The following TMC1 variants were observed in gnomAD, a reference collection of about 807,000 sequenced individuals.
TMC1 encodes transmembrane channel like 1, also known as transmembrane channel-like protein 1.
A neutral mutation model predicts 105.8 loss-of-function variants in TMC1; 84 were observed. The ratio of observed to expected loss-of-function variants is 0.79; its 90% CI spans 0.67 to 0.95. The LOEUF (loss-of-function observed/expected upper bound fraction) is 0.95. TMC1 is among the 40% of genes least tolerant of loss of function. The pLI is 0.00. For missense variants in TMC1, 817 were observed against 914.1 expected, an observed-to-expected ratio of 0.89 and a Z score of 1.37; for synonymous variants, 315 against 311.5, an observed-to-expected ratio of 1.01 and a Z score of -0.12.
chr9:72,577,373 G>A (rs1424185857), intron 1 of TMC1, among the ~76,000 whole-genome samples: 2 of 152,314 alleles, frequency 1.3e-5, no homozygotes, highest in South Asian at 2.1e-4. Flanking sequence ...CACAGGGACG[G>A]GTGGAGCAAA....
intron 21 of TMC1, among the ~76,000 whole-genome samples, chr9:72,827,546 A>C (rs1828976047): frequency 6.6e-6 from 1 of 152,228 alleles, no homozygotes; most frequent in East Asian, 1.9e-4. Flanking sequence ...GATCTTGGGA[A>C]GTTCCTGTAG....
chr9:72,685,362 A>AT lies in TMC1; in HGVS notation c.17-3328dup, dbSNP rs35423971. ...ACCTCATGATCCACCCGCCTTGGCC[A>AT]TTTTTTTTTTTTTTTTTTTAAGAGG... On this transcript the variant is annotated intron_variant, in intron 5 of 23. Coordinates refer to ENST00000297784, the MANE Select transcript of TMC1 (RefSeq NM_138691.3). 6.7e-3 allele frequency among the ~76,000 whole-genome samples: 845 copies of AT among 125,594 alleles called. 6 individuals carry two copies. The highest frequency in any genetic ancestry group is 0.017 in the East Asian group (75 of 4,330). The allele number at this position is 125,594 out of a possible 152,430, so 82.4% of individuals were successfully genotyped here.
At chr9:72,625,493 C>T (rs1564452963) in intron 3 of TMC1, among the ~76,000 whole-genome samples, 1 of 151,942 alleles carries the variant, frequency 6.6e-6, no homozygotes, top group Admixed American at 6.6e-5. Context: ...TCTAGACCAT[C>T]CTGACTAACA....
chr9:72,633,008 CA>C (rs373596116), intron 4 of TMC1, among the ~76,000 whole-genome samples: 231 of 134,814 alleles, frequency 1.7e-3, no homozygotes, highest in East Asian at 2.8e-3. Flanking sequence ...ACTATTCTGC[CA>C]AAAAAAAAAA....
rs1286071828 is a variant in TMC1 at position 72,560,559 on chromosome 9, C to T, written c.-427-17343C>T. On this transcript the variant is annotated intron_variant, in intron 1 of 23. Transcript: ENST00000297784. ...TGTCACCCAGACTGGAGTGCAATGA[C>T]GCGATCTCAGCTCACTGCAACCTCT... is the stretch of plus-strand genomic sequence containing the variant. 5.3e-5 allele frequency among the ~76,000 whole-genome samples: 8 copies of T among 152,056 alleles called. No homozygotes were observed. In the South Asian group the frequency reaches 6.2e-4, roughly 12 times the overall value.
intron 1 of TMC1, among the ~76,000 whole-genome samples, chr9:72,550,194 G>T (rs539505784): frequency 6.6e-6 from 1 of 151,994 alleles, no homozygotes; most frequent in African/African-American, 2.4e-5. Flanking sequence ...CAGGCCAGGC[G>T]TGGTGGCTCC....
chr9:72,620,647 G>A (rs1232276456), intron 3 of TMC1, among the ~76,000 whole-genome samples: 1 of 152,238 alleles, frequency 6.6e-6, no homozygotes, highest in Non-Finnish European at 1.5e-5. Flanking sequence ...GCCAAATTTG[G>A]TATAGTTGAA....
chr9:72,754,761 C>T (rs776465284), intron 11 of TMC1, 25 bp from the exon 12 acceptor site: 1 of 1,564,184 alleles, frequency 6.4e-7, no homozygotes, highest in Non-Finnish European at 8.8e-7. Flanking sequence ...TAATTGTTCA[C>T]TGCTTTCTTT....
chr9:72,529,082 A>G (rs1482787861), intron 1 of TMC1, among the ~76,000 whole-genome samples: 1 of 151,522 alleles, frequency 6.6e-6, no homozygotes. Context: ...CACAGGTTAT[A>G]CAGAAATACT....
chr9:72,772,701 A>T (rs572354568), intron 13 of TMC1, 146 bp downstream of exon 13: 2 of 1,088,684 alleles, frequency 1.8e-6, no homozygotes, highest in Non-Finnish European at 2.8e-6. Flanking sequence ...TTTTAATACC[A>T]ACACTAATGT....
intron 5 of TMC1, among the ~76,000 whole-genome samples, chr9:72,664,993 T>A (rs965973088): frequency 3.9e-5 from 6 of 152,158 alleles, no homozygotes; most frequent in African/African-American, 1.4e-4. Flanking sequence ...CACCTATCTG[T>A]CTACATGCTC....
intron 1 of TMC1, among the ~76,000 whole-genome samples, chr9:72,532,904 A>G (rs1823523178): frequency 6.6e-6 from 1 of 152,236 alleles, no homozygotes; most frequent in South Asian, 2.1e-4. Flanking sequence ...TAATGACCTT[A>G]TGGCTCTGAA....
At chr9:72,817,269 A>T (rs1297009818) in intron 19 of TMC1, 2 of 152,110 alleles carry the variant, frequency 1.3e-5, no homozygotes, top group African/African-American at 2.4e-5. Context: ...TTATAAAAAT[A>T]TTGTTTCCTC....
At chr9:72,740,789 A>T (rs879841363) in intron 9 of TMC1, among the ~76,000 whole-genome samples, 2 of 152,200 alleles carry the variant, frequency 1.3e-5, no homozygotes, top group Non-Finnish European at 2.9e-5. Flanking sequence ...ATGTTATACC[A>T]ACTGTAAGCT....
At chr9:72,807,379 C>T (rs549809704) in intron 18 of TMC1, among the ~76,000 whole-genome samples, 4 of 152,248 alleles carry the variant, frequency 2.6e-5, no homozygotes, top group Middle Eastern at 3.4e-3. Flanking sequence ...ATGGGATCAC[C>T]GTTTTAGGTG....
chr9:72,592,503 GA>G (rs1824655368), intron 2 of TMC1, among the ~76,000 whole-genome samples: 1 of 152,176 alleles, frequency 6.6e-6, no homozygotes, highest in Non-Finnish European at 1.5e-5. Flanking sequence ...CTCTCCTTGG[GA>G]GGCTGCCTCT....
In TMC1 at chr9:72,789,237, C is replaced by T; in HGVS notation, c.1144C>T (p.Leu382Phe). 1.2e-6 allele frequency: 2 copies of T among 1,613,994 alleles called. No individual in the cohort carries two copies. Among genetic ancestry groups the T allele is most frequent in the Non-Finnish European group, 1.7e-6 (2 of 1,179,930 alleles). ...VFLTLGGSGY[L>F]IFWAVKRSQE... ...TCTAACACTTGGAGGGAGTGGATAC[C>T]TCATCTTTTGGGCTGTGAAGCGATC... The change falls in exon 15 of 24, where the codon CTC becomes TTC. Residue 382 changes from leucine to phenylalanine, a missense_variant. By Grantham distance (22) the Leu-to-Phe change is conservative. Transcript: ENST00000297784.
chr9:72,634,805 A>G (rs1471531588), intron 4 of TMC1, among the ~76,000 whole-genome samples: 2 of 152,220 alleles, frequency 1.3e-5, no homozygotes, highest in South Asian at 2.1e-4. Flanking sequence ...TTATTTGATT[A>G]CCAGTTTACT....
chr9:72,547,813 A>G (rs1483488193), intron 1 of TMC1, among the ~76,000 whole-genome samples: 1 of 152,220 alleles, frequency 6.6e-6, no homozygotes, highest in Non-Finnish European at 1.5e-5. Context: ...TAAGCGTATT[A>G]GTCCACTCGG....
Sources: allele counts gnomAD v4.1 joint callset (sites outside exome capture counted in the v4.1 genomes callset), GRCh38; gene constraint gnomAD v4.1.1; transcripts MANE v1.5; gene names NCBI Gene and HGNC (gene_info 2026-07-23, HGNC 2026-07-21).